Variants in FAM78B observed in about 807,000 individuals in gnomAD.
FAM78B encodes protein FAM78B.
A neutral mutation model predicts 20.0 loss-of-function variants in FAM78B; 10 were observed. The observed-to-expected ratio is 0.50, with a 90% CI of 0.31 to 0.85. The LOEUF (loss-of-function observed/expected upper bound fraction) is 0.85, where lower values mean the gene tolerates loss of function less well. Among genes scored for constraint, FAM78B ranks in the 40% least tolerant of loss-of-function variants. The probability of loss-of-function intolerance (pLI) is 0.05; values close to 1 mark genes in which losing one functional copy is unlikely to be tolerated. For synonymous variants in FAM78B, 135 were observed against 132.8 expected, an observed-to-expected ratio of 1.02 and a Z score of -0.12; for missense variants, 283 against 345.0, an observed-to-expected ratio of 0.82 and a Z score of 1.42.
chr1:166,070,637 C>G lies in FAM78B; in HGVS notation c.390G>C (p.Lys130Asn). 6.2e-7 allele frequency: 1 copy of G among 1,613,824 alleles called. No individual in the cohort carries two copies. Reference sequence around the variant, plus strand: ...TCATGCTGACGGAGAACCTGGAGATCTTGTTGGTGGGGCCAACCAGGGTCA... The same window carrying G: ...TCATGCTGACGGAGAACCTGGAGATGTTGTTGGTGGGGCCAACCAGGGTCA... ...ETVTLVGPTN[K>N]ISRFSVSMND... Residue 130 changes from lysine to asparagine, a missense_variant, in exon 2 of 2, where the codon AAG becomes AAC. Physicochemically the swap from Lys to Asn is moderately conservative, Grantham distance 94 (BLOSUM62 0). Coordinates refer to ENST00000354422, the MANE Select transcript of FAM78B (RefSeq NM_001017961.5).
intron 1 of FAM78B, among the ~76,000 whole-genome samples, chr1:166,141,163 C>T (rs931417622): frequency 3.3e-5 from 5 of 152,314 alleles, no homozygotes; most frequent in East Asian, 3.9e-4. Flanking sequence ...ATATGAAGTG[C>T]GTACTGGGGC....
At chr1:166,071,117 T>C (rs1266807419) in intron 1 of FAM78B, among the ~76,000 whole-genome samples, 1 of 152,168 alleles carries the variant, frequency 6.6e-6, no homozygotes, top group African/African-American at 2.4e-5. Context: ...CTTGGAAATA[T>C]GAATGTGAAT....
intron 1 of FAM78B, among the ~76,000 whole-genome samples, chr1:166,151,085 T>C (rs977841652): frequency 6.6e-6 from 1 of 152,216 alleles, no homozygotes; most frequent in South Asian, 2.1e-4. Flanking sequence ...TGCTGGGTTA[T>C]AGAGGATGGC....
chr1:166,143,824 C>T (rs1222833307), intron 1 of FAM78B, among the ~76,000 whole-genome samples: 1 of 152,164 alleles, frequency 6.6e-6, no homozygotes, highest in Non-Finnish European at 1.5e-5. Context: ...GAGCCCTTAA[C>T]CACGTGAGCC....
At chr1:166,115,428 C>T (rs1654217569) in intron 1 of FAM78B, among the ~76,000 whole-genome samples, 1 of 152,174 alleles carries the variant, frequency 6.6e-6, no homozygotes. Context: ...CCAGAGAGTG[C>T]TTTGTGCATC....
Position 166,166,694 on chromosome 1 carries a change from G to C in FAM78B, c.-446C>G, listed in dbSNP as rs1656413539. 1 of 149,582 alleles carries C rather than the reference G, an allele frequency of 6.7e-6. No homozygotes were observed. Among genetic ancestry groups the C allele is most frequent in the East Asian group, 2.0e-4 (1 of 5,070 alleles). The allele number at this position is 149,582 out of a possible 1,614,324, so 9.3% of individuals were successfully genotyped here. A position where few individuals can be genotyped will look rare whatever the true frequency, so the allele number is the denominator to read the frequency against. ...GGCAGCGCCCGGTCTGTCTGCCTCCGCGGCGGCAGCAGCAGCAGCCGCCGC... is the reference window on the plus strand; with the variant it reads ...GGCAGCGCCCGGTCTGTCTGCCTCCCCGGCGGCAGCAGCAGCAGCCGCCGC... On this transcript the variant is annotated 5_prime_UTR_variant, in exon 1 of 2. Transcript: ENST00000354422.
At chr1:166,110,182 G>A (rs1653994929) in intron 1 of FAM78B, among the ~76,000 whole-genome samples, 1 of 151,320 alleles carries the variant, frequency 6.6e-6, no homozygotes, top group African/African-American at 2.4e-5. Flanking sequence ...CTCGGGTGAT[G>A]GGTGCACCAA....
intron 1 of FAM78B, among the ~76,000 whole-genome samples, chr1:166,095,124 T>C (rs1350263847): frequency 1.3e-5 from 2 of 152,122 alleles, no homozygotes; most frequent in African/African-American, 4.8e-5. Context: ...ATCACCATCC[T>C]TGCAGAAGCA....
intron 1 of FAM78B, among the ~76,000 whole-genome samples, chr1:166,133,571 A>G (rs1654956596): frequency 6.6e-6 from 1 of 150,422 alleles, no homozygotes; most frequent in African/African-American, 2.5e-5. Flanking sequence ...CAACTTTTAA[A>G]TAATATTAAT....
chr1:166,081,833 G>A (rs1652592775), intron 1 of FAM78B, among the ~76,000 whole-genome samples: 1 of 152,282 alleles, frequency 6.6e-6, no homozygotes. Context: ...AGATGAGGGG[G>A]AATCGATGTG....
At chr1:166,145,846 T>A (rs1319754345) in intron 1 of FAM78B, among the ~76,000 whole-genome samples, 2 of 152,174 alleles carry the variant, frequency 1.3e-5, no homozygotes, top group Non-Finnish European at 2.9e-5. Context: ...GGATAATGAG[T>A]CAGAAGATAC....
At chr1:166,118,748 A>G (rs57219135) in intron 1 of FAM78B, among the ~76,000 whole-genome samples, 4,928 of 152,176 alleles carry the variant, frequency 0.032, 243 homozygotes, top group African/African-American at 0.11. Flanking sequence ...CATTATACAG[A>G]TAAGAAAACT....
At chr1:166,093,186 A>G (rs989514773) in intron 1 of FAM78B, among the ~76,000 whole-genome samples, 1 of 152,188 alleles carries the variant, frequency 6.6e-6, no homozygotes, top group Non-Finnish European at 1.5e-5. Context: ...TTTTTCAAAT[A>G]TATATCTCTC....
chr1:166,070,569 C>T lies in FAM78B; in HGVS notation c.458G>A (p.Ser153Asn), dbSNP rs781664868. ...YPSVTWAVPV[S>N]DSNVPLLTRI... Reference sequence around the variant, plus strand: ...TGTGAGCAGTGGCACATTGCTGTCACTCACAGGCACTGCCCATGTCACACT... The same window carrying T: ...TGTGAGCAGTGGCACATTGCTGTCATTCACAGGCACTGCCCATGTCACACT... Residue 153 changes from serine (S) to asparagine (N), a missense_variant, in exon 2 of 2, where the codon AGT (serine) becomes AAT (asparagine). Ser to Asn is a conservative substitution (Grantham distance 46, BLOSUM62 1). Coordinates refer to ENST00000354422, the MANE Select transcript of FAM78B (RefSeq NM_001017961.5). 6 of 1,613,802 alleles carry T rather than the reference C, an allele frequency of 3.7e-6. No individual in the cohort carries two copies. The highest frequency in any genetic ancestry group is 5.1e-6 in the Non-Finnish European group (6 of 1,179,932).
intron 1 of FAM78B, among the ~76,000 whole-genome samples, chr1:166,082,892 G>A (rs1339232132): frequency 6.6e-6 from 1 of 152,176 alleles, no homozygotes; most frequent in Non-Finnish European, 1.5e-5. Context: ...TCCTGGCAAG[G>A]TACTAAGTGC....
chr1:166,094,191 ATGCC>A (rs1381736761), intron 1 of FAM78B, among the ~76,000 whole-genome samples: 11 of 152,142 alleles, frequency 7.2e-5, no homozygotes, highest in Admixed American at 7.2e-4. Flanking sequence ...ACTTAGGAAC[ATGCC>A]CATGCCTACA....
At chr1:166,101,731 G>C (rs531755001) in intron 1 of FAM78B, among the ~76,000 whole-genome samples, 48 of 152,252 alleles carry the variant, frequency 3.2e-4, no homozygotes, top group African/African-American at 1.1e-3. Flanking sequence ...ATCTACGTCT[G>C]ATTGGTGTAC....
At chr1:166,064,858 C>G (rs1297966082), downstream of FAM78B, among the ~76,000 whole-genome samples, 1 of 152,222 alleles carries the variant, frequency 6.6e-6, no homozygotes, top group African/African-American at 2.4e-5. Flanking sequence ...ATTAATATCT[C>G]AGGTAACAGA....
intron 1 of FAM78B, among the ~76,000 whole-genome samples, chr1:166,076,821 G>A (rs576308277): frequency 2.6e-5 from 4 of 152,252 alleles, no homozygotes; most frequent in African/African-American, 7.2e-5. Context: ...CTAAATAGGC[G>A]GACACTGTGT....
Sources: gnomAD v4.1 joint callset for allele counts (sites outside exome capture counted in the v4.1 genomes callset) on GRCh38, gnomAD v4.1.1 for gene constraint, MANE v1.5 for transcripts, NCBI Gene and HGNC (gene_info 2026-07-23, HGNC 2026-07-21) for gene names.